Variants in CAPN11 observed in about 807,000 individuals in gnomAD.
CAPN11 encodes the protein calpain-11.
A neutral mutation model predicts 105.3 loss-of-function variants in CAPN11; 108 were observed. That is an observed-to-expected ratio of 1.03 (90% CI 0.88 to 1.20). CAPN11 has a LOEUF of 1.20. CAPN11 is among the 50% of genes most tolerant of loss of function. The pLI is 0.00. For synonymous variants in CAPN11, 329 were observed against 344.5 expected (o/e 0.96, Z 0.50); for missense variants, 883 against 924.8 (o/e 0.95, Z 0.59).
At chr6:44,177,679 G>T (rs1293776057) in intron 12 of CAPN11, 2 of 397,826 alleles carry the variant, frequency 5.0e-6, no homozygotes, top group Admixed American at 7.8e-5. Flanking sequence ...TAGAGACGGG[G>T]TTTCACCATG....
At chr6:44,179,795 C>T in intron 13 of CAPN11, 157 bp from the exon 14 acceptor site, 1 of 913,004 alleles carries the variant, frequency 1.1e-6, no homozygotes, top group East Asian at 2.4e-5. Context: ...AGGAAGAGAC[C>T]CTGTTGGAGT....
chr6:44,177,258 C>A lies in CAPN11; in HGVS notation c.1254C>A (p.Asn418Lys). Residue 418 changes from asparagine to lysine, a missense_variant, in exon 12 of 23, where the codon AAC becomes AAA. By Grantham distance (94) the Asn-to-Lys change is moderately conservative (BLOSUM62 0). Transcript: ENST00000398776. ...CRNHPGTFWT[N>K]PQFKISLPEG... ...CCGCCACAGGCACGTTCTGGACCAA[C>A]CCCCAGTTTAAGATCTCTCTTCCTG... 1 of 1,594,378 alleles carries A rather than the reference C, an allele frequency of 6.3e-7. No individual in the cohort carries two copies. Among genetic ancestry groups the A allele is most frequent in the Non-Finnish European group, 8.5e-7 (1 of 1,170,438 alleles).
Position 44,172,341 on chromosome 6 carries a change from C to G in CAPN11, c.449C>G (p.Thr150Ser). Reference protein sequence around the residue: ...WLLAAIGSLTTCPKLLYRVVP... With the variant: ...WLLAAIGSLTSCPKLLYRVVP... ...CTGGCTGCCATCGGCTCCCTTACCA[C>G]CTGCCCCAAACTGCTATACCGCGTG... The change falls in exon 5 of 23, where the codon ACC becomes AGC. Residue 150 changes from threonine to serine, a missense_variant. Thr to Ser is a moderately conservative substitution (Grantham distance 58, BLOSUM62 1). Coordinates refer to ENST00000398776, the MANE Select transcript of CAPN11 (RefSeq NM_007058.4). 6.4e-7 allele frequency: 1 copy of G among 1,560,908 alleles called. No homozygotes were observed. Among genetic ancestry groups the G allele is most frequent in the East Asian group, 2.4e-5 (1 of 41,486 alleles).
chr6:44,176,883 C>T lies in CAPN11; in HGVS notation c.1122C>T (p.Ile374=), dbSNP rs1352812577. ...DFLNNFTLLE[I]CNLTPDTLSG... is the part of the protein sequence containing the mutation. ...TGAACAACTTCACGCTCCTGGAGATCTGCAACCTCACGCCTGATACACTCT... is the reference window on the plus strand; with the variant it reads ...TGAACAACTTCACGCTCCTGGAGATTTGCAACCTCACGCCTGATACACTCT... The change falls in exon 11 of 23, where the codon ATC becomes ATT. Residue 374 remains isoleucine (I), a synonymous_variant. Transcript: ENST00000398776. 6.2e-7 allele frequency: 1 copy of T among 1,613,856 alleles called. No individual in the cohort carries two copies. The highest frequency in any genetic ancestry group is 2.2e-5 in the East Asian group (1 of 44,884).
At chr6:44,164,352 G>A (rs1357060577) in intron 1 of CAPN11, among the ~76,000 whole-genome samples, 1 of 152,136 alleles carries the variant, frequency 6.6e-6, no homozygotes, top group African/African-American at 2.4e-5. Flanking sequence ...GGGAGGGGTG[G>A]AAGAGAGAAA....
rs1314816855 is a variant in CAPN11 at position 44,180,080 on chromosome 6, T to G, written c.1557T>G (p.Tyr519Ter). Residue 519 changes from tyrosine to a stop codon, truncating the protein, a stop_gained, in exon 14 of 23, where the codon TAT becomes TAG. Transcript: ENST00000398776. LOFTEE classifies it high-confidence loss of function. ...SSQLRLPPGEYIIIPSTFEPH... is the reference protein window; with the variant it reads ...SSQLRLPPGE ...AACTCCGGCTGCCTCCGGGGGAATA[T>G]ATCATTATTCCCTCCACCTTTGAGC... 6.2e-7 allele frequency: 1 copy of G among 1,611,188 alleles called. No homozygotes were observed. The highest frequency in any genetic ancestry group is 1.3e-5 in the African/African-American group (1 of 74,816).
intron 2 of CAPN11, among the ~76,000 whole-genome samples, chr6:44,167,878 T>G (rs1770227138): frequency 6.6e-6 from 1 of 151,314 alleles, no homozygotes; most frequent in Non-Finnish European, 1.5e-5. Flanking sequence ...ATCAAGCCAC[T>G]GTACTCCAGC....
chr6:44,163,035 C>G (rs1769176970), intron 1 of CAPN11, among the ~76,000 whole-genome samples: 1 of 152,110 alleles, frequency 6.6e-6, no homozygotes, highest in South Asian at 2.1e-4. Context: ...TCAACAAATA[C>G]CAGTTGACCA....
At chr6:44,180,239 C>T (rs568239668) in intron 14 of CAPN11, 76 bp downstream of exon 14, 54 of 1,118,658 alleles carry the variant, frequency 4.8e-5, no homozygotes, top group Admixed American at 6.4e-5. Context: ...GAGCTGCTGT[C>T]GGGTCCTCCC....
chr6:44,166,937 G>T, intron 2 of CAPN11, 108 bp downstream of exon 2: 2 of 630,058 alleles, frequency 3.2e-6, no homozygotes, highest in Admixed American at 2.6e-5. Flanking sequence ...GTCATGTTGT[G>T]TGGGGAGGGC....
intron 4 of CAPN11, among the ~76,000 whole-genome samples, chr6:44,171,685 T>TA (rs66896901): frequency 0.52 from 78,446 of 150,796 alleles, 20,936 homozygotes; most frequent in Non-Finnish European, 0.6. Context: ...AAATTTACTT[T>TA]AAAAAAAAAT....
chr6:44,171,516 T>G (rs1426102991), intron 4 of CAPN11, among the ~76,000 whole-genome samples: 1 of 152,112 alleles, frequency 6.6e-6, no homozygotes, highest in Non-Finnish European at 1.5e-5. Context: ...GTGGAGAGTA[T>G]TGGCTCTGTC....
In CAPN11 at chr6:44,184,020, A is replaced by G. The variant is rs1774200911; in HGVS notation, c.*88A>G. The G allele has an allele frequency of 4.2e-6, 6 of 1,430,338 alleles. No individual in the cohort carries two copies. The highest frequency in any genetic ancestry group is 5.8e-6 in the Non-Finnish European group (6 of 1,040,896). 88.6% of individuals were successfully genotyped at this position (1,430,338 alleles called of 1,614,324 possible). A position where few individuals can be genotyped will look rare whatever the true frequency, so the allele number is the denominator to read the frequency against. On this transcript the variant is annotated 3_prime_UTR_variant, in exon 23 of 23. Coordinates refer to ENST00000398776, the MANE Select transcript of CAPN11 (RefSeq NM_007058.4). Reference sequence around the variant, plus strand: ...GGGTGGGGTGCTTCTTGTAGCCCTCAGCTCTCCGGTCTCTGCTGATGAAAT... The same window carrying G: ...GGGTGGGGTGCTTCTTGTAGCCCTCGGCTCTCCGGTCTCTGCTGATGAAAT...
chr6:44,167,135 G>A (rs907999662), intron 2 of CAPN11, among the ~76,000 whole-genome samples: 4 of 152,070 alleles, frequency 2.6e-5, no homozygotes, highest in Non-Finnish European at 4.4e-5. Flanking sequence ...TATCTGACCC[G>A]GTCCGACACC....
chr6:44,158,920 C>G (rs1434961855), intron 1 of CAPN11, 56 bp downstream of exon 1: 2 of 1,476,218 alleles, frequency 1.4e-6, no homozygotes, highest in Non-Finnish European at 9.2e-7. Flanking sequence ...CTAGAGCCTC[C>G]CCCCAGGGGA....
At position 44,184,113 on chromosome 6, in the gene CAPN11, A is replaced by C; in HGVS notation, c.*181A>C. Reference sequence around the variant, plus strand: ...CTGCAGCAGTGGGACCTCCGTGCCCACTCCCCCAGCTCAGAGGCTTTCTCT... The same window carrying C: ...CTGCAGCAGTGGGACCTCCGTGCCCCCTCCCCCAGCTCAGAGGCTTTCTCT... On this transcript the variant is annotated 3_prime_UTR_variant, in exon 23 of 23. Coordinates refer to ENST00000398776, the MANE Select transcript of CAPN11 (RefSeq NM_007058.4). 1.6e-6 allele frequency: 1 copy of C among 617,060 alleles called. No individual in the cohort carries two copies. 38.2% of individuals were successfully genotyped at this position (617,060 alleles called of 1,614,324 possible).
chr6:44,176,365 G>C (rs377645218), intron 9 of CAPN11, 27 bp downstream of exon 9: 1 of 1,594,446 alleles, frequency 6.3e-7, no homozygotes, highest in Non-Finnish European at 8.6e-7. Context: ...CAGGTGAGGG[G>C]TGGTCGGAGG....
chr6:44,169,895 C>A lies in CAPN11; in HGVS notation c.340-11C>A. 1.2e-6 allele frequency: 2 copies of A among 1,605,146 alleles called. No homozygotes were observed. The highest frequency in any genetic ancestry group is 2.2e-5 in the South Asian group (2 of 89,870). ...CCTGGGCCCCCTGAAACCTTTATTCCTTCACTGCAGGATATCATAAACAAC... is the reference window on the plus strand; with the variant it reads ...CCTGGGCCCCCTGAAACCTTTATTCATTCACTGCAGGATATCATAAACAAC... On this transcript the variant is annotated splice_polypyrimidine_tract_variant and intron_variant, in intron 3 of 22. Coordinates refer to ENST00000398776, the MANE Select transcript of CAPN11 (RefSeq NM_007058.4).
Position 44,184,177 on chromosome 6 carries a change from C to A in CAPN11, c.*245C>A, listed in dbSNP as rs537858298. 5 of 581,190 alleles carry A rather than the reference C, an allele frequency of 8.6e-6. 1 individual carries two copies. Among genetic ancestry groups the A allele is most frequent in the African/African-American group, 5.6e-5 (3 of 53,668 alleles). 36.0% of individuals were successfully genotyped at this position (581,190 alleles called of 1,614,324 possible). On this transcript the variant is annotated 3_prime_UTR_variant, in exon 23 of 23. Coordinates refer to ENST00000398776, the MANE Select transcript of CAPN11 (RefSeq NM_007058.4). ...CGGCTTCTGATGGCTGGCTTTCCCC[C>A]ACCATCGCTCTCTCAGAGTATATTT... is the stretch of plus-strand genomic sequence containing the variant.
Sources: gnomAD v4.1 joint callset for allele counts (sites outside exome capture counted in the v4.1 genomes callset) on GRCh38, gnomAD v4.1.1 for gene constraint, MANE v1.5 for transcripts, NCBI Gene and HGNC (gene_info 2026-07-23, HGNC 2026-07-21) for gene names.